CHIC1: variants seen among roughly 807,000 people sequenced by gnomAD.
CHIC1 encodes the protein cysteine rich hydrophobic domain 1.
CHIC1 carries 7 observed loss-of-function variants against 18.5 expected under a neutral mutation model. The ratio of observed to expected loss-of-function variants is 0.38; its 90% confidence interval spans 0.22 to 0.71. The LOEUF (loss-of-function observed/expected upper bound fraction) is 0.71, where lower values mean the gene tolerates loss of function less well. Ranked by LOEUF, CHIC1 falls within the 30% of genes least tolerant of loss-of-function variation. The probability of loss-of-function intolerance (pLI) is 0.49; values close to 1 mark genes in which losing one functional copy is unlikely to be tolerated. For synonymous variants in CHIC1, 77 were observed against 73.5 expected (o/e 1.05, Z -0.25); for missense variants, 159 against 176.9 (o/e 0.90, Z 0.57).
At position 73,682,461 on chromosome X, in the gene CHIC1, C is replaced by T. The variant is rs1380898113; in HGVS notation, c.*1456C>T. ...CTAGGGCTCAGTAATATTTTGTCAT[C>T]TTACTCTTACTGCTTTTAGTAAACC... On this transcript the variant is annotated 3_prime_UTR_variant, in exon 6 of 6. Coordinates refer to ENST00000373502, the MANE Select transcript of CHIC1 (RefSeq NM_001039840.4). 9.0e-6 allele frequency: 1 copy of T among 111,325 alleles called. No individual in the cohort carries two copies. Among genetic ancestry groups the T allele is most frequent in the East Asian group, 2.8e-4 (1 of 3,537 alleles). The allele number at this position is 111,325 out of a possible 1,213,427, so 9.2% of individuals were successfully genotyped here.
chrX:73,655,358 A>G (rs2057937511), intron 3 of CHIC1, among the ~76,000 whole-genome samples: 2 of 102,255 alleles, frequency 2.0e-5, no homozygotes, highest in Non-Finnish European at 4.0e-5. Flanking sequence ...ACATACAAAC[A>G]CTATATACAC....
At chrX:73,604,125 A>G (rs2057667086) in intron 3 of CHIC1, among the ~76,000 whole-genome samples, 1 of 105,969 alleles carries the variant, frequency 9.4e-6, no homozygotes, top group Non-Finnish European at 1.9e-5. Context: ...CTGTGAATCC[A>G]TCTGGCCCTG....
chrX:73,568,069 G>A (rs1238961487), intron 1 of CHIC1, among the ~76,000 whole-genome samples: 1 of 111,652 alleles, frequency 9.0e-6, no homozygotes, highest in Non-Finnish European at 1.9e-5. Flanking sequence ...GTGTGCCCAC[G>A]TAGTACAAAC....
At chrX:73,670,518 TTAG>T (rs1392116720) in intron 3 of CHIC1, among the ~76,000 whole-genome samples, 4 of 111,127 alleles carry the variant, frequency 3.6e-5, no homozygotes, top group Non-Finnish European at 5.7e-5. Context: ...TCTACTAAAA[TTAG>T]TAGACTAATT....
At chrX:73,632,763 C>CTTT (rs778008597) in intron 3 of CHIC1, among the ~76,000 whole-genome samples, 144 of 63,632 alleles carry the variant, frequency 2.3e-3, no homozygotes, top group African/African-American at 2.6e-3. Flanking sequence ...TATTGTTATT[C>CTTT]TTTTTTTTTT....
At chrX:73,642,316 T>C (rs2057861260) in intron 3 of CHIC1, among the ~76,000 whole-genome samples, 1 of 111,703 alleles carries the variant, frequency 9.0e-6, no homozygotes, top group African/African-American at 3.3e-5. Flanking sequence ...ATAAATGTCT[T>C]CTTTTGAGAA....
At chrX:73,578,706 A>G (rs938516120) in intron 2 of CHIC1, 1 of 110,302 alleles carries the variant, frequency 9.1e-6, no homozygotes, top group Admixed American at 9.6e-5. Flanking sequence ...ACATAAAGAA[A>G]TTCTAGAGAG....
chrX:73,579,095 C>A (rs2057514744), intron 2 of CHIC1, among the ~76,000 whole-genome samples: 1 of 110,001 alleles, frequency 9.1e-6, no homozygotes, highest in South Asian at 3.8e-4. Context: ...TTTAACCCTG[C>A]AAGGTATGTT....
intron 3 of CHIC1, among the ~76,000 whole-genome samples, chrX:73,639,227 G>A (rs1034241107): frequency 3.6e-5 from 4 of 111,413 alleles, no homozygotes; most frequent in African/African-American, 1.3e-4. Context: ...TCTGACTGAC[G>A]TGAGATAGTA....
intron 3 of CHIC1, among the ~76,000 whole-genome samples, chrX:73,600,282 G>A (rs1157977291): frequency 2.1e-5 from 2 of 96,540 alleles, no homozygotes; most frequent in Non-Finnish European, 4.0e-5. Context: ...TCTGCAAACA[G>A]GGACAATTTG....
chrX:73,614,624 AATT>A (rs1382891835), intron 3 of CHIC1, among the ~76,000 whole-genome samples: 6 of 109,167 alleles, frequency 5.5e-5, no homozygotes, highest in African/African-American at 2.0e-4. Flanking sequence ...TATGTTCTGA[AATT>A]ATTTCTTCTG....
intron 3 of CHIC1, among the ~76,000 whole-genome samples, chrX:73,677,687 C>T (rs1003861838): frequency 8.9e-6 from 1 of 112,499 alleles, no homozygotes; most frequent in Non-Finnish European, 1.9e-5. Context: ...TTGTGCTTCC[C>T]GAGTGAGGTG....
In CHIC1 at chrX:73,685,832, T is replaced by A. The variant is rs1490831870; in HGVS notation, c.*4827T>A. 1 of 111,775 alleles carries A rather than the reference T, an allele frequency of 8.9e-6. No homozygotes were observed. Among genetic ancestry groups the A allele is most frequent in the African/African-American group, 3.2e-5 (1 of 30,861 alleles). 9.2% of individuals were successfully genotyped at this position (111,775 alleles called of 1,213,427 possible). On this transcript the variant is annotated 3_prime_UTR_variant, in exon 6 of 6. Coordinates refer to ENST00000373502, the MANE Select transcript of CHIC1 (RefSeq NM_001039840.4). ...ATTGTTTTAATAGTAAATTTTGTTATTAATCTCCTATGTGTTAAACGTGGG... is the reference window on the plus strand; with the variant it reads ...ATTGTTTTAATAGTAAATTTTGTTAATAATCTCCTATGTGTTAAACGTGGG...
intron 3 of CHIC1, among the ~76,000 whole-genome samples, chrX:73,630,794 A>G (rs746871722): frequency 3.6e-5 from 4 of 111,795 alleles, no homozygotes; most frequent in Admixed American, 9.5e-5. Flanking sequence ...AGTTTTTTGG[A>G]ACAGTTTGAG....
At chrX:73,592,908 A>AT (rs899125236) in intron 3 of CHIC1, among the ~76,000 whole-genome samples, 198 of 107,262 alleles carry the variant, frequency 1.8e-3, no homozygotes, top group South Asian at 0.01. Context: ...CAGGGTTTCC[A>AT]TTTTTTTTTC....
chrX:73,594,702 A>AT (rs748761641), intron 3 of CHIC1, among the ~76,000 whole-genome samples: 6 of 110,599 alleles, frequency 5.4e-5, no homozygotes, highest in East Asian at 2.9e-4. Context: ...CCTATTTCCA[A>AT]TTTTTTTTCA....
chrX:73,670,676 G>A (rs1223187295), intron 3 of CHIC1, among the ~76,000 whole-genome samples: 1 of 110,282 alleles, frequency 9.1e-6, no homozygotes, highest in Non-Finnish European at 1.9e-5. Flanking sequence ...AAACTTCTTA[G>A]TATTGCTTTT....
At position 73,625,108 on chromosome X, in the gene CHIC1, A is replaced by ATTT. The variant is rs371290609; in HGVS notation, c.507+40545_507+40547dup. On this transcript the variant is annotated intron_variant, in intron 3 of 5. Coordinates refer to ENST00000373502, the MANE Select transcript of CHIC1 (RefSeq NM_001039840.4). ...TGGGGCCAAGCCACAACACAAAAGA[A>ATTT]TTTTTTTTTTTCTGTTTCATGGAAC... Among the ~76,000 whole-genome samples the ATTT allele has an allele frequency of 7.5e-5, 8 of 107,156 alleles. No homozygotes were observed. The East Asian group carries it at 2.0e-3, about 27-fold the overall frequency. The allele number at this position is 107,156 out of a possible 115,157, so 93.1% of individuals were successfully genotyped here.
intron 3 of CHIC1, among the ~76,000 whole-genome samples, chrX:73,612,325 AT>A (rs1377541814): frequency 2.8e-5 from 3 of 107,977 alleles, no homozygotes; most frequent in African/African-American, 6.8e-5. Flanking sequence ...TCTGATCTTC[AT>A]TTTTTTTCAT....
Sources: gnomAD v4.1 joint callset for allele counts (sites outside exome capture counted in the v4.1 genomes callset) on GRCh38, gnomAD v4.1.1 for gene constraint, MANE v1.5 for transcripts, NCBI Gene and HGNC (gene_info 2026-07-23, HGNC 2026-07-21) for gene names.